The following GCSAML variants were observed in gnomAD, a reference collection of about 807,000 sequenced individuals.
GCSAML encodes germinal center-associated signaling and motility-like protein.
Under a neutral mutation model 13.0 loss-of-function variants are expected in GCSAML, and 9 were observed. That is an observed-to-expected ratio of 0.69 (90% CI 0.42 to 1.21). GCSAML has a LOEUF of 1.21. Ranked by LOEUF, GCSAML falls within the 50% of genes most tolerant of loss-of-function variation. The probability of loss-of-function intolerance (pLI) is 0.00; values close to 1 mark genes in which losing one functional copy is unlikely to be tolerated. For missense variants in GCSAML, 143 were observed against 153.4 expected (o/e 0.93, Z 0.36); for synonymous variants, 37 against 52.9 (o/e 0.70, Z 1.31).
chr1:247,563,078 A>G (rs540737253), intron 2 of GCSAML, among the ~76,000 whole-genome samples: 169 of 149,286 alleles, frequency 1.1e-3, no homozygotes, highest in Middle Eastern at 3.4e-3. Flanking sequence ...TCGATCTCCT[A>G]ACCTCGTGAT....
In GCSAML at chr1:247,575,494, C is replaced by A. The variant is rs145668106; in HGVS notation, c.*1112C>A. 1 of 152,310 alleles carries A rather than the reference C, an allele frequency of 6.6e-6. No individual in the cohort carries two copies. The highest frequency in any genetic ancestry group is 1.5e-5 in the Non-Finnish European group (1 of 68,022). 9.4% of individuals were successfully genotyped at this position (152,310 alleles called of 1,614,324 possible). ...ACCAGTGACCAGACCCTTTGCTAAC[C>A]TGACATTTACTTCAATTTTTCTTTT... On this transcript the variant is annotated 3_prime_UTR_variant, in exon 5 of 5. Coordinates refer to ENST00000366488, the MANE Select transcript of GCSAML (RefSeq NM_145278.5).
Position 247,507,220 on chromosome 1 carries a change from G to A in GCSAML, c.-276G>A, listed in dbSNP as rs142877306. 4.5e-3 allele frequency: 680 copies of A among 152,266 alleles called. 7 individuals are homozygous for A. Among genetic ancestry groups the A allele is most frequent in the Non-Finnish European group, 5.4e-3 (367 of 68,020 alleles). The allele number at this position is 152,266 out of a possible 1,614,324, so 9.4% of individuals were successfully genotyped here. The stretch of plus-strand genomic sequence containing the variant: ...TATCTTACATACATGGATTCAATTC[G>A]TAGATTCAGCTGGGTGAGTATCTAT... On this transcript the variant is annotated 5_prime_UTR_variant, in exon 1 of 6. Coordinates refer to the GCSAML transcript ENST00000366489.
chr1:247,521,445 G>A (rs1413511484), intron 1 of GCSAML, among the ~76,000 whole-genome samples: 2 of 151,810 alleles, frequency 1.3e-5, no homozygotes, highest in East Asian at 3.9e-4. Context: ...AAGCTGGACT[G>A]TACTGCCGCC....
At chr1:247,569,921 C>G (rs991709718) in intron 4 of GCSAML, among the ~76,000 whole-genome samples, 9 of 152,158 alleles carry the variant, frequency 5.9e-5, no homozygotes, top group African/African-American at 2.2e-4. Context: ...CAACTTCTTC[C>G]TGGTTTAGTC....
intron 2 of GCSAML, chr1:247,531,207 C>T (rs1666936074): frequency 3.7e-6 from 1 of 269,846 alleles, no homozygotes; most frequent in Non-Finnish European, 7.1e-6. Context: ...GCGCTCTCAG[C>T]GTCGTCAAAG....
At chr1:247,518,266 T>C (rs1336562866) in intron 1 of GCSAML, among the ~76,000 whole-genome samples, 1 of 152,184 alleles carries the variant, frequency 6.6e-6, no homozygotes, top group Non-Finnish European at 1.5e-5. Context: ...CCTCTGCCAG[T>C]TCGTGTGTGG....
intron 2 of GCSAML, 69 bp from the exon 3 acceptor site, chr1:247,563,521 T>C: frequency 3.9e-6 from 1 of 253,648 alleles, no homozygotes; most frequent in South Asian, 4.4e-5. Context: ...AACCAAATGC[T>C]TTTTTTGAAA....
intron 2 of GCSAML, among the ~76,000 whole-genome samples, chr1:247,562,599 C>T (rs1348268566): frequency 6.6e-6 from 1 of 152,192 alleles, no homozygotes; most frequent in East Asian, 1.9e-4. Context: ...TCAGCCCAGG[C>T]ACATCTCTCT....
chr1:247,555,911 T>C (rs1455354221), intron 1 of GCSAML, among the ~76,000 whole-genome samples: 1 of 152,224 alleles, frequency 6.6e-6, no homozygotes, highest in Non-Finnish European at 1.5e-5. Context: ...TCAGCTTTCC[T>C]GAATGTATGT....
chr1:247,534,371 C>G (rs559600376), intron 2 of GCSAML, among the ~76,000 whole-genome samples: 1 of 152,202 alleles, frequency 6.6e-6, no homozygotes, highest in East Asian at 1.9e-4. Flanking sequence ...GTGGAAGAGG[C>G]AGGACTAGAG....
intron 2 of GCSAML, among the ~76,000 whole-genome samples, chr1:247,538,159 C>T (rs994069627): frequency 2.6e-5 from 4 of 152,042 alleles, no homozygotes; most frequent in East Asian, 1.9e-4. Context: ...TTTTGAGTTA[C>T]GTTTTGTATA....
At chr1:247,566,625 CATT>C (rs143275001) in intron 4 of GCSAML, among the ~76,000 whole-genome samples, 4,760 of 152,174 alleles carry the variant, frequency 0.031, 229 homozygotes, top group African/African-American at 0.11. Context: ...CACCATAAAA[CATT>C]AATTATTTTT....
At chr1:247,554,944 TACCTATTTTTGAAA>T (rs1667901621) in intron 1 of GCSAML, among the ~76,000 whole-genome samples, 1 of 152,184 alleles carries the variant, frequency 6.6e-6, no homozygotes, top group African/African-American at 2.4e-5. Flanking sequence ...CTTAATAAAA[TACCTATTTTTGAAA>T]ACAATAGAGT....
Position 247,574,271 on chromosome 1 carries a change from G to A in GCSAML, c.297G>A (p.Val99=). 1 of 1,614,114 alleles carries A rather than the reference G, an allele frequency of 6.2e-7. No individual in the cohort carries two copies. The highest frequency in any genetic ancestry group is 8.5e-7 in the Non-Finnish European group (1 of 1,180,010). The change falls in exon 5 of 5, where the codon GTG becomes GTA. Residue 99 remains valine, a synonymous_variant. Transcript: ENST00000366488. ...YENIDSLTRK[V]RQFRERSETE... ...ACATTGACTCCCTCACAAGGAAAGT[G>A]AGACAGTTTAGAGAAAGGTCAGAGA...
At chr1:247,521,039 G>C (rs368246105) in intron 1 of GCSAML, among the ~76,000 whole-genome samples, 7 of 151,726 alleles carry the variant, frequency 4.6e-5, no homozygotes, top group South Asian at 4.2e-4. Flanking sequence ...TATAAACTTA[G>C]TCAAGCAACT....
At position 247,577,044 on chromosome 1, in the gene GCSAML, A is replaced by C. The variant is rs1668864443; in HGVS notation, c.*2662A>C. 6.6e-6 allele frequency: 1 copy of C among 152,188 alleles called. No homozygotes were observed. The highest frequency in any genetic ancestry group is 2.1e-4 in the South Asian group (1 of 4,830). 9.4% of individuals were successfully genotyped at this position (152,188 alleles called of 1,614,324 possible). On this transcript the variant is annotated 3_prime_UTR_variant, in exon 5 of 5. Coordinates refer to ENST00000366488, the MANE Select transcript of GCSAML (RefSeq NM_145278.5). Reference sequence around the variant, plus strand: ...CACCATAAGCCACAGCAGATGTCTTAATCTTTCCGAGATCTAGTTTTTCAG... The same window carrying C: ...CACCATAAGCCACAGCAGATGTCTTCATCTTTCCGAGATCTAGTTTTTCAG...
intron 2 of GCSAML, 69 bp downstream of exon 2, chr1:247,556,535 GAGTCTCTGCCCCACT>G: frequency 8.9e-7 from 1 of 1,122,748 alleles, no homozygotes; most frequent in Non-Finnish European, 1.3e-6. Context: ...ATTACTTCCA[GAGTCTCTGCCCCACT>G]AGAACTAACA....
Position 247,574,930 on chromosome 1 carries a change from T to A in GCSAML, c.*548T>A, listed in dbSNP as rs540866508. ...GTAGATCACACACTGTCTGAGGGATTCCATCTATGAGACTTTGTCTACATA... is the reference window on the plus strand; with the variant it reads ...GTAGATCACACACTGTCTGAGGGATACCATCTATGAGACTTTGTCTACATA... On this transcript the variant is annotated 3_prime_UTR_variant, in exon 5 of 5. Transcript: ENST00000366488. 6.5e-6 allele frequency: 1 copy of A among 152,842 alleles called. No homozygotes were observed. The highest frequency in any genetic ancestry group is 2.5e-5 in the African/African-American group (1 of 40,718). 9.5% of individuals were successfully genotyped at this position (152,842 alleles called of 1,614,324 possible).
At chr1:247,554,731 G>A (rs1374155423) in intron 1 of GCSAML, among the ~76,000 whole-genome samples, 1 of 152,060 alleles carries the variant, frequency 6.6e-6, no homozygotes, top group African/African-American at 2.4e-5. Context: ...AGCTTATTGG[G>A]TTTTAATTTT....
Sources: gnomAD v4.1 joint callset for allele counts (sites outside exome capture counted in the v4.1 genomes callset) on GRCh38, gnomAD v4.1.1 for gene constraint, MANE v1.5 for transcripts, NCBI Gene and HGNC (gene_info 2026-07-23, HGNC 2026-07-21) for gene names.